The following ZNF782 variants were observed in gnomAD, a reference collection of about 807,000 sequenced individuals.
ZNF782 encodes the protein zinc finger protein 782.
A neutral mutation model predicts 13.0 loss-of-function variants in ZNF782; 12 were observed. The ratio of observed to expected loss-of-function variants is 0.92; its 90% CI spans 0.59 to 1.50. ZNF782 has a LOEUF of 1.50. ZNF782 is among the 40% of genes most tolerant of loss of function. ZNF782 has a pLI of 0.00. For synonymous variants in ZNF782, 284 were observed against 283.0 expected (o/e 1.00, Z -0.04); for missense variants, 770 against 822.9 (o/e 0.94, Z 0.79).
chr9:96,877,340 C>T (rs1007704926), upstream of ZNF782, among the ~76,000 whole-genome samples: 4 of 152,210 alleles, frequency 2.6e-5, no homozygotes, highest in South Asian at 4.1e-4. Flanking sequence ...GATGCCGCTG[C>T]GCAGGGACAG....
At chr9:96,926,523 C>T in the ZNF782 span, among the ~76,000 whole-genome samples, 2 of 151,888 alleles carry the variant, frequency 1.3e-5, no homozygotes, top group Non-Finnish European at 2.9e-5. Flanking sequence ...GACAAAAGGC[C>T]TGGGAGCATC....
intron 5 of ZNF782, among the ~76,000 whole-genome samples, chr9:96,824,143 C>CA (rs1207400900): frequency 6.7e-6 from 1 of 150,218 alleles, no homozygotes; most frequent in East Asian, 2.0e-4. Flanking sequence ...AACATTGATG[C>CA]AAAAATCCTC....
chr9:96,838,254 AC>A (rs1389216006), intron 4 of ZNF782, among the ~76,000 whole-genome samples: 3 of 152,110 alleles, frequency 2.0e-5, no homozygotes, highest in Non-Finnish European at 4.4e-5. Flanking sequence ...TGATTTCTGT[AC>A]TTTTTCATTT....
At chr9:96,849,606 G>T (rs75210928) in intron 3 of ZNF782, among the ~76,000 whole-genome samples, 4,169 of 152,272 alleles carry the variant, frequency 0.027, 192 homozygotes, top group African/African-American at 0.093. Flanking sequence ...ATCAGCCTAG[G>T]CCACGAACTC....
the ZNF782 span, among the ~76,000 whole-genome samples, chr9:96,932,963 CTT>C: frequency 2.7e-5 from 4 of 147,106 alleles, no homozygotes; most frequent in African/African-American, 1.0e-4. Context: ...TACTTACTTT[CTT>C]TTCTTTTCTT....
intron 1 of ZNF782, among the ~76,000 whole-genome samples, chr9:96,874,775 G>C (rs560643880): frequency 6.6e-4 from 101 of 152,298 alleles, no homozygotes; most frequent in African/African-American, 2.0e-3. Context: ...CACAAGAGCT[G>C]CTTTGCTCTA....
chr9:96,836,929 AC>A (rs1851021678), intron 4 of ZNF782, among the ~76,000 whole-genome samples: 1 of 151,926 alleles, frequency 6.6e-6, no homozygotes, highest in South Asian at 2.1e-4. Flanking sequence ...TCCACTTCCC[AC>A]CATAAGTTGA....
Position 96,827,079 on chromosome 9 carries a change from C to G in ZNF782, c.244+1G>C, listed in dbSNP as rs528367436. On this transcript the variant is annotated splice_donor_variant, in intron 5 of 5. Transcript: ENST00000481138. LOFTEE classifies it high-confidence loss of function. ...TCTTCTTGTTGAATTCAGTAACTCA[C>G]CTGGGGAGTTCCTGCTTAGAAATCC... 3.1e-6 allele frequency: 5 copies of G among 1,603,978 alleles called. No individual in the cohort carries two copies. The highest frequency in any genetic ancestry group is 3.4e-6 in the Non-Finnish European group (4 of 1,173,426).
intron 1 of ZNF782, among the ~76,000 whole-genome samples, chr9:96,873,615 G>A (rs1216129283): frequency 6.6e-6 from 1 of 152,210 alleles, no homozygotes; most frequent in Non-Finnish European, 1.5e-5. Flanking sequence ...CATGAAAGTC[G>A]CTTGAGCCTG....
At chr9:96,827,002 A>G in intron 5 of ZNF782, 78 bp downstream of exon 5, 1 of 910,516 alleles carries the variant, frequency 1.1e-6, no homozygotes, top group African/African-American at 1.7e-5. Context: ...TTTAACCATT[A>G]TTATGACTAT....
the ZNF782 span, among the ~76,000 whole-genome samples, chr9:96,921,544 C>CA: frequency 3.5e-5 from 5 of 141,384 alleles, no homozygotes; most frequent in African/African-American, 1.3e-4. Context: ...AAAACACAAA[C>CA]AAAAAAAAGA....
upstream of ZNF782, among the ~76,000 whole-genome samples, chr9:96,855,506 T>A (rs1171748859): frequency 1.3e-5 from 2 of 152,230 alleles, no homozygotes; most frequent in Admixed American, 6.5e-5. Flanking sequence ...AGAACTACGA[T>A]GTTTGGTTTT....
the ZNF782 span, chr9:96,910,261 A>G: frequency 1.6e-6 from 1 of 612,736 alleles, no homozygotes; most frequent in South Asian, 1.5e-5. Flanking sequence ...GTGGGGAGGA[A>G]GAGGAGGAGG....
At chr9:96,816,183 T>C (rs141239676), downstream of ZNF782, among the ~76,000 whole-genome samples, 574 of 152,264 alleles carry the variant, frequency 3.8e-3, 4 homozygotes, top group African/African-American at 0.013. Context: ...ACTGGCTTCT[T>C]TGAAAAAAGG....
intron 1 of ZNF782, among the ~76,000 whole-genome samples, chr9:96,863,349 A>AT (rs1851725422): frequency 1.4e-5 from 2 of 144,624 alleles, no homozygotes; most frequent in African/African-American, 5.7e-5. Flanking sequence ...TAATTTAAAA[A>AT]TAAAAAAAAA....
chr9:96,893,946 G>T, the ZNF782 span: 1 of 139,474 alleles, frequency 7.2e-6, no homozygotes, highest in South Asian at 2.2e-4. Context: ...CTTGCAGTGA[G>T]CGGAGATCGC....
rs200690424 is a variant in ZNF782 at position 96,818,801 on chromosome 9, G to A, written c.1222C>T (p.Arg408Cys). 77 of 1,611,416 alleles carry A rather than the reference G, an allele frequency of 4.8e-5. No individual in the cohort carries two copies. Among genetic ancestry groups the A allele is most frequent in the Admixed American group, 1.3e-4 (8 of 59,748 alleles). The change falls in exon 6 of 6, where the codon CGC becomes TGC. Residue 408 changes from arginine to cysteine, a missense_variant. Arg to Cys is a radical substitution (Grantham distance 180). Transcript: ENST00000481138. Reference sequence around the variant, plus strand: ...TGAGTTCTCTGATGTTTTCTTAGGCGTGACTTCTCACTGAAGGCTTTCCCG... The same window carrying A: ...TGAGTTCTCTGATGTTTTCTTAGGCATGACTTCTCACTGAAGGCTTTCCCG... The part of the protein sequence containing the change: ...ECGKAFSEKS[R>C]LRKHQRTHTG...
chr9:96,828,181 G>T (rs932617253), intron 4 of ZNF782, among the ~76,000 whole-genome samples: 1 of 152,132 alleles, frequency 6.6e-6, no homozygotes, highest in Non-Finnish European at 1.5e-5. Context: ...ATACACAAAG[G>T]CAGGAAGTTT....
At chr9:96,835,348 A>G (rs1850958669) in intron 4 of ZNF782, among the ~76,000 whole-genome samples, 1 of 152,234 alleles carries the variant, frequency 6.6e-6, no homozygotes. Flanking sequence ...ATGAAGGAGA[A>G]TTTTTAGAAA....
Sources: allele counts gnomAD v4.1 joint callset (sites outside exome capture counted in the v4.1 genomes callset), GRCh38; gene constraint gnomAD v4.1.1; transcripts MANE v1.5; gene names NCBI Gene and HGNC (gene_info 2026-07-23, HGNC 2026-07-21).